The following MYT1L variants were observed in gnomAD, a reference collection of about 807,000 sequenced individuals.
The protein encoded by MYT1L is myelin transcription factor 1 like, also known as myelin transcription factor 1-like protein.
A neutral mutation model predicts 126.7 loss-of-function variants in MYT1L; 12 were observed. That is an observed-to-expected ratio of 0.09 (90% CI 0.06 to 0.15). The LOEUF is 0.15. MYT1L is among the 10% of genes least tolerant of loss of function. MYT1L has a pLI of 1.00. For synonymous variants in MYT1L, 541 were observed against 604.2 expected (o/e 0.90, Z 1.53); for missense variants, 979 against 1,585.2 (o/e 0.62, Z 6.49).
At position 1,917,339 on chromosome 2, in the gene MYT1L, T is replaced by C; in HGVS notation, c.1484A>G (p.Asp495Gly). ...SHVKKPYYGK[D>G]PSRTEKKESK... ...CTCTTTCTTTTCTGTTCTTGAGGGA[T>C]CTAAAAGCGACAACAGGTGCCAAGA... Residue 495 changes from aspartate (D) to glycine (G), a missense_variant and splice_region_variant, in exon 11 of 25, where the codon GAT becomes GGT. By Grantham distance (94) the Asp-to-Gly change is moderately conservative. Coordinates refer to ENST00000647738, the MANE Select transcript of MYT1L (RefSeq NM_001303052.2). This position sits in a 1 kb window ranked among gnomAD's most constrained non-coding sequence, Gnocchi z 5.9. 1 of 1,603,992 alleles carries C rather than the reference T, an allele frequency of 6.2e-7. No homozygotes were observed. Among genetic ancestry groups the C allele is most frequent in the Non-Finnish European group, 8.5e-7 (1 of 1,173,456 alleles).
chr2:2,078,926 G>T (rs2075515674), intron 3 of MYT1L, among the ~76,000 whole-genome samples: 1 of 152,152 alleles, frequency 6.6e-6, no homozygotes, highest in Non-Finnish European at 1.5e-5. Context: ...TGGTATTAAG[G>T]GATGGGGTCC....
chr2:2,118,205 G>T (rs1458697239), intron 3 of MYT1L, among the ~76,000 whole-genome samples: 1 of 151,672 alleles, frequency 6.6e-6, no homozygotes, highest in African/African-American at 2.4e-5. Context: ...CAATAGGATG[G>T]AATCAAATGA....
intron 1 of MYT1L, among the ~76,000 whole-genome samples, chr2:2,288,935 A>C (rs2095559926): frequency 6.6e-6 from 1 of 152,208 alleles, no homozygotes; most frequent in African/African-American, 2.4e-5. Flanking sequence ...CTTAATAATA[A>C]AAGTTATTTT....
chr2:1,977,569 A>C (rs1418944517), intron 8 of MYT1L, among the ~76,000 whole-genome samples: 1 of 152,220 alleles, frequency 6.6e-6, no homozygotes, highest in East Asian at 1.9e-4. Flanking sequence ...TAAATGCTTG[A>C]GGGGATGAAG....
Position 2,065,326 on chromosome 2 carries a change from T to G in MYT1L, c.-303-11203A>C, listed in dbSNP as rs532707078. On this transcript the variant is annotated intron_variant, in intron 3 of 24. Coordinates refer to ENST00000647738, the MANE Select transcript of MYT1L (RefSeq NM_001303052.2). ...TTTAAAATAATTATAATACCCCAAATTAATGGCTACAAAGTCACAAATATA... is the reference window on the plus strand; with the variant it reads ...TTTAAAATAATTATAATACCCCAAAGTAATGGCTACAAAGTCACAAATATA... Among the ~76,000 whole-genome samples, 6 of 152,296 alleles carry G rather than the reference T, an allele frequency of 3.9e-5. No homozygotes were observed. In the South Asian group the frequency reaches 1.2e-3, roughly 32 times the overall value.
chr2:2,242,918 G>A (rs2094465586), intron 2 of MYT1L, among the ~76,000 whole-genome samples: 1 of 152,188 alleles, frequency 6.6e-6, no homozygotes, highest in African/African-American at 2.4e-5. Flanking sequence ...AAGGATGCAG[G>A]GTTCAGGAAG....
Position 1,811,807 on chromosome 2 carries a change from C to A in MYT1L, c.3081-2640G>T, listed in dbSNP as rs1170761197. Among the ~76,000 whole-genome samples the A allele has an allele frequency of 6.6e-6, 1 of 152,126 alleles. No homozygotes were observed. The highest frequency in any genetic ancestry group is 6.5e-5 in the Admixed American group (1 of 15,274). ...CTCCCTGATGGGGCCTGGGCAACAA[C>A]CTGGCAGTCGTCCCCACTCCGGGGC... is the stretch of plus-strand genomic sequence containing the variant. On this transcript the variant is annotated intron_variant, in intron 21 of 24. Transcript: ENST00000647738. The surrounding 1 kb of genome is among the most constrained non-coding windows in gnomAD (Gnocchi z 4.4).
intron 8 of MYT1L, among the ~76,000 whole-genome samples, chr2:1,966,395 C>T (rs1001872787): frequency 1.3e-5 from 2 of 152,152 alleles, no homozygotes; most frequent in African/African-American, 4.8e-5. Context: ...ATTTGAAAAT[C>T]GTTATATTCT....
chr2:1,838,797 G>A (rs2041244512), intron 21 of MYT1L, among the ~76,000 whole-genome samples: 1 of 152,084 alleles, frequency 6.6e-6, no homozygotes, highest in Admixed American at 6.5e-5. Flanking sequence ...CCCCAATGAC[G>A]CCTGCCTGTG....
At chr2:1,994,006 C>A (rs978033505) in intron 5 of MYT1L, among the ~76,000 whole-genome samples, 2 of 152,222 alleles carry the variant, frequency 1.3e-5, no homozygotes, top group Non-Finnish European at 2.9e-5. Context: ...GCGGTGCTAA[C>A]CCCTTTGCCC....
chr2:1,813,084 C>T lies in MYT1L; in HGVS notation c.3081-3917G>A, dbSNP rs567506757. On this transcript the variant is annotated intron_variant, in intron 21 of 24. Transcript: ENST00000647738. Reference sequence around the variant, plus strand: ...GGGAGCAGCTCCCATCTTTCCCCCGCTGAACCTCTCTGGCCTTCCGCCGTC... The same window carrying T: ...GGGAGCAGCTCCCATCTTTCCCCCGTTGAACCTCTCTGGCCTTCCGCCGTC... 7.1e-3 allele frequency among the ~76,000 whole-genome samples: 1,085 copies of T among 152,250 alleles called. 9 individuals carry two copies. Among genetic ancestry groups the T allele is most frequent in the African/African-American group, 0.023 (974 of 41,562 alleles).
At chr2:2,158,647 A>G (rs74684316) in intron 3 of MYT1L, among the ~76,000 whole-genome samples, 26,226 of 149,116 alleles carry the variant, frequency 0.18, 2,333 homozygotes, top group East Asian at 0.24. Context: ...ACACACACAC[A>G]CGCGTAGGTG....
chr2:1,805,706 C>T (rs781481061), intron 22 of MYT1L, among the ~76,000 whole-genome samples: 3 of 152,042 alleles, frequency 2.0e-5, no homozygotes, highest in African/African-American at 4.8e-5. Context: ...GGCAACATGG[C>T]GAAGCCCCAT....
At chr2:2,004,875 TAGG>T (rs2063019693) in intron 4 of MYT1L, among the ~76,000 whole-genome samples, 1 of 116,794 alleles carries the variant, frequency 8.6e-6, no homozygotes, top group South Asian at 3.2e-4. Context: ...TTCTTTCCTG[TAGG>T]AGTTCTTTCC....
chr2:2,150,496 G>A (rs1479567660), intron 3 of MYT1L, among the ~76,000 whole-genome samples: 2 of 152,132 alleles, frequency 1.3e-5, no homozygotes, highest in African/African-American at 4.8e-5. Context: ...TTGAACACCA[G>A]GGTTAAAGCA....
chr2:2,072,701 C>T (rs1336162434), intron 3 of MYT1L, among the ~76,000 whole-genome samples: 1 of 152,068 alleles, frequency 6.6e-6, no homozygotes, highest in Non-Finnish European at 1.5e-5. Flanking sequence ...GGGACAGTTT[C>T]CCCAGTGTTG....
chr2:2,227,600 G>T (rs35633741), intron 2 of MYT1L, among the ~76,000 whole-genome samples: 19,572 of 152,158 alleles, frequency 0.13, 1,715 homozygotes, highest in Non-Finnish European at 0.19. Flanking sequence ...CACATGGAAA[G>T]CTGACCGCAC....
At position 2,316,201 on chromosome 2, in the gene MYT1L, C is replaced by T. The variant is rs2096062065; in HGVS notation, c.-521+14766G>A. Among the ~76,000 whole-genome samples, 3 of 152,134 alleles carry T rather than the reference C, an allele frequency of 2.0e-5. No homozygotes were observed. In the South Asian group the frequency reaches 6.2e-4, roughly 32 times the overall value. Reference sequence around the variant, plus strand: ...CTCCTTTCCTTTTCCCACTGTGGGCCTGATGTTCTTCTCTATTTCGCTGGG... The same window carrying T: ...CTCCTTTCCTTTTCCCACTGTGGGCTTGATGTTCTTCTCTATTTCGCTGGG... On this transcript the variant is annotated intron_variant, in intron 1 of 24. Transcript: ENST00000647738.
intron 21 of MYT1L, among the ~76,000 whole-genome samples, chr2:1,820,031 T>TGGG (rs10713046): frequency 1.7e-4 from 19 of 112,308 alleles, no homozygotes; most frequent in African/African-American, 5.4e-4. Context: ...CAGAGGGCAG[T>TGGG]GGGGGGGGGC....
Sources: allele counts gnomAD v4.1 joint callset (sites outside exome capture counted in the v4.1 genomes callset), GRCh38; gene constraint gnomAD v4.1.1; non-coding constraint Gnocchi (gnomAD v3.1); transcripts MANE v1.5; gene names NCBI Gene and HGNC (gene_info 2026-07-23, HGNC 2026-07-21).